ZNF585B: variants seen among roughly 807,000 people sequenced by gnomAD.
The protein encoded by ZNF585B is zinc finger protein 41-like protein.
In ZNF585B, 7 loss-of-function variants were observed where a neutral mutation model predicts 14.0. That is an observed-to-expected ratio of 0.50 (90% CI 0.28 to 0.94). The LOEUF is 0.94. ZNF585B is among the 40% of genes least tolerant of loss of function. The pLI, the probability that ZNF585B is intolerant of heterozygous loss-of-function variation, is 0.09. For synonymous variants in ZNF585B, 290 were observed against 317.3 expected, an observed-to-expected ratio of 0.91 and a Z score of 0.91; for missense variants, 750 against 924.4, an observed-to-expected ratio of 0.81 and a Z score of 2.45.
At chr19:37,198,989 G>A (rs1313555332) in intron 2 of ZNF585B, 1 of 1,530,048 alleles carries the variant, frequency 6.5e-7, no homozygotes, top group African/African-American at 1.4e-5. Flanking sequence ...TTTGTCTCTT[G>A]TGATGCATAT....
chr19:37,198,182 AT>A (rs1320415602), intron 2 of ZNF585B, among the ~76,000 whole-genome samples: 6 of 151,864 alleles, frequency 4.0e-5, no homozygotes, highest in South Asian at 4.2e-4. Flanking sequence ...TATTATTATT[AT>A]TTTTTGAGAT....
At chr19:37,209,910 T>C (rs1053701368) in intron 1 of ZNF585B, among the ~76,000 whole-genome samples, 1 of 151,344 alleles carries the variant, frequency 6.6e-6, no homozygotes, top group Non-Finnish European at 1.5e-5. Context: ...AGAGACGGGG[T>C]TTCACCGTGT....
Position 37,183,986 on chromosome 19 carries a change from A to C in ZNF585B, c.*1241T>G, listed in dbSNP as rs534019458. ...GAGTGAGAAGAATTGTAATAGCAGA[A>C]GGAAGAATTTAAGTTCTCCCAGATG... On this transcript the variant is annotated 3_prime_UTR_variant, in exon 5 of 5. Coordinates refer to ENST00000532828, the MANE Select transcript of ZNF585B (RefSeq NM_152279.4). 5 of 151,818 alleles carry C rather than the reference A, an allele frequency of 3.3e-5. No individual in the cohort carries two copies. In the South Asian group the frequency reaches 1.0e-3, roughly 32 times the overall value. 9.4% of individuals were successfully genotyped at this position (151,818 alleles called of 1,614,324 possible). A position where few individuals can be genotyped will look rare whatever the true frequency, so the allele number is the denominator to read the frequency against.
In ZNF585B at chr19:37,190,143, A is replaced by G. The variant is rs967626700; in HGVS notation, c.80T>C (p.Val27Ala). The G allele has an allele frequency of 1.9e-6, 3 of 1,614,058 alleles. No homozygotes were observed. Among genetic ancestry groups the G allele is most frequent in the African/African-American group, 2.7e-5 (2 of 74,920 alleles). The change falls in exon 3 of 5, where the codon GTG becomes GCG. Residue 27 changes from valine (V) to alanine (A), a missense_variant. Val to Ala is a moderately conservative substitution (Grantham distance 64). Around this residue, in one of 2 missense-constraint regions of ZNF585B, gnomAD observed 517 missense variants for 570.3 expected, o/e 0.91. Transcript: ENST00000532828. ...ATCGATAGCCACATCCCTGAAGGAC[A>G]CTGATCCCTGTAAGGGCACATTCCT... Reference protein sequence around the residue: ...EDHGSSYEGSVSFRDVAIDFS... With the variant: ...EDHGSSYEGSASFRDVAIDFS...
intron 2 of ZNF585B, among the ~76,000 whole-genome samples, chr19:37,192,515 A>T (rs1180262789): frequency 2.8e-5 from 4 of 141,888 alleles, no homozygotes; most frequent in Admixed American, 7.2e-5. Flanking sequence ...TCAAAAAAAA[A>T]AAAAATAAAA....
intron 2 of ZNF585B, among the ~76,000 whole-genome samples, chr19:37,190,726 C>T (rs774065531): frequency 6.6e-6 from 1 of 151,532 alleles, no homozygotes. Context: ...CCACCATACC[C>T]GGCTAAATTT....
At chr19:37,193,069 A>C (rs555766860) in intron 2 of ZNF585B, among the ~76,000 whole-genome samples, 1 of 152,050 alleles carries the variant, frequency 6.6e-6, no homozygotes, top group East Asian at 1.9e-4. Flanking sequence ...CAGGAGGCAG[A>C]GGTTGCAGTG....
chr19:37,209,191 G>C (rs1405538804), intron 1 of ZNF585B, among the ~76,000 whole-genome samples: 1 of 151,938 alleles, frequency 6.6e-6, no homozygotes, highest in Non-Finnish European at 1.5e-5. Flanking sequence ...TGCGACCTCC[G>C]CCTCCCAGGT....
At chr19:37,198,101 A>C (rs1244713548) in intron 2 of ZNF585B, among the ~76,000 whole-genome samples, 1 of 152,184 alleles carries the variant, frequency 6.6e-6, no homozygotes, top group Non-Finnish European at 1.5e-5. Context: ...GGTGTACACT[A>C]GGTGGTGGAT....
intron 4 of ZNF585B, among the ~76,000 whole-genome samples, chr19:37,188,128 C>T (rs1972359227): frequency 1.3e-5 from 2 of 152,052 alleles, no homozygotes; most frequent in Non-Finnish European, 2.9e-5. Context: ...CATAGTGTGT[C>T]CTAAACTAAA....
At chr19:37,194,119 G>C (rs1568509195) in intron 2 of ZNF585B, among the ~76,000 whole-genome samples, 2 of 152,138 alleles carry the variant, frequency 1.3e-5, no homozygotes, top group Non-Finnish European at 2.9e-5. Flanking sequence ...AAATAAGAAT[G>C]GCAGAATGTT....
chr19:37,190,886 C>T (rs1972393378), intron 2 of ZNF585B, among the ~76,000 whole-genome samples: 1 of 152,006 alleles, frequency 6.6e-6, no homozygotes, highest in African/African-American at 2.4e-5. Flanking sequence ...TTTTAAAGAA[C>T]CTGCCACTCA....
intron 2 of ZNF585B, chr19:37,195,736 A>G (rs1345072554): frequency 1.3e-5 from 2 of 150,928 alleles, no homozygotes; most frequent in Non-Finnish European, 2.9e-5. Context: ...ACAAAGAAGA[A>G]TTAGTCTTGG....
intron 2 of ZNF585B, among the ~76,000 whole-genome samples, chr19:37,203,052 CTT>C (rs908157483): frequency 6.6e-6 from 1 of 152,152 alleles, no homozygotes; most frequent in African/African-American, 2.4e-5. Context: ...TATCTTCACT[CTT>C]TTTTCTTGAT....
chr19:37,207,037 C>T lies in ZNF585B; in HGVS notation c.72+3G>A, dbSNP rs888643067. On this transcript the variant is annotated splice_donor_region_variant and intron_variant, in intron 2 of 4. Coordinates refer to ENST00000532828, the MANE Select transcript of ZNF585B (RefSeq NM_152279.4). ...TCCACCCCTTGGGACTCCTCCTCCT[C>T]ACCTCATAGGAGCTGCCATGATCCT... is the stretch of plus-strand genomic sequence containing the variant. 1 of 1,613,834 alleles carries T rather than the reference C, an allele frequency of 6.2e-7. No individual in the cohort carries two copies. Among genetic ancestry groups the T allele is most frequent in the Non-Finnish European group, 8.5e-7 (1 of 1,180,020 alleles).
rs2145429157 is a variant in ZNF585B at position 37,184,906 on chromosome 19, C to T, written c.*321G>A. The T allele has an allele frequency of 8.8e-6, 4 of 453,810 alleles. No individual in the cohort carries two copies. The East Asian group carries it at 1.3e-4, about 14-fold the overall frequency. 28.1% of individuals were successfully genotyped at this position (453,810 alleles called of 1,614,324 possible). A position where few individuals can be genotyped will look rare whatever the true frequency, so the allele number is the denominator to read the frequency against. The stretch of plus-strand genomic sequence containing the variant: ...CCACAGTAAACAGGATTATCATTCC[C>T]ATAATATGATCTTTCTTATGAAGAA... On this transcript the variant is annotated 3_prime_UTR_variant, in exon 5 of 5. Coordinates refer to ENST00000532828, the MANE Select transcript of ZNF585B (RefSeq NM_152279.4).
At chr19:37,198,258 G>A (rs907814465) in intron 2 of ZNF585B, among the ~76,000 whole-genome samples, 5 of 151,906 alleles carry the variant, frequency 3.3e-5, no homozygotes, top group Non-Finnish European at 7.4e-5. Context: ...TGCAACCTCC[G>A]CCTCCCGTGT....
intron 2 of ZNF585B, among the ~76,000 whole-genome samples, chr19:37,203,479 C>CAAAA (rs35565550): frequency 3.5e-5 from 4 of 114,606 alleles, no homozygotes; most frequent in East Asian, 2.6e-4. Context: ...GATCTTGTCA[C>CAAAA]AAAAAAAAAA....
rs1972333704 is a variant in ZNF585B at position 37,186,374 on chromosome 19, CCA to C, written c.1161_1162del (p.Cys387TrpfsTer52). Reference sequence around the variant, plus strand: ...TGCTGACTTCTGAGTGAAGGCTCTCCCACAGTCACTGCATTCATAAGGTTTCT... The same window carrying C: ...TGCTGACTTCTGAGTGAAGGCTCTCCCAGTCACTGCATTCATAAGGTTTCT... On this transcript the variant is annotated frameshift_variant, in exon 5 of 5. Transcript: ENST00000532828. LOFTEE classifies it low-confidence loss of function (END_TRUNC). The C allele has an allele frequency of 1.2e-6, 2 of 1,613,976 alleles. No individual in the cohort carries two copies. Among genetic ancestry groups the C allele is most frequent in the South Asian group, 1.1e-5 (1 of 91,088 alleles).
Sources: allele counts gnomAD v4.1 joint callset (sites outside exome capture counted in the v4.1 genomes callset), GRCh38; gene constraint gnomAD v4.1.1; regional missense constraint gnomAD v4.1.1; transcripts MANE v1.5; gene names NCBI Gene and HGNC (gene_info 2026-07-23, HGNC 2026-07-21).